The following SLC4A4 variants were observed in gnomAD, a reference collection of about 807,000 sequenced individuals.
SLC4A4 encodes the protein solute carrier family 4 member 4.
SLC4A4 carries 27 observed loss-of-function variants against 111.5 expected under a neutral mutation model. The ratio of observed to expected loss-of-function variants is 0.24; its 90% CI spans 0.18 to 0.33. The LOEUF (loss-of-function observed/expected upper bound fraction) is 0.33, where lower values mean the gene tolerates loss of function less well. Ranked by LOEUF, SLC4A4 falls within the 10% of genes least tolerant of loss-of-function variation. The pLI is 1.00. For missense variants in SLC4A4, 909 were observed against 1,315.5 expected, an observed-to-expected ratio of 0.69 and a Z score of 4.78; for synonymous variants, 443 against 463.4, an observed-to-expected ratio of 0.96 and a Z score of 0.57.
At position 71,255,209 on chromosome 4, in the gene SLC4A4, A is replaced by G; in HGVS notation, c.74-11A>G. 2 of 1,612,874 alleles carry G rather than the reference A, an allele frequency of 1.2e-6. No homozygotes were observed. Among genetic ancestry groups the G allele is most frequent in the Non-Finnish European group, 1.7e-6 (2 of 1,179,064 alleles). ...GTTTGAACTGACTGGTGATTTGTGT[A>G]CCTTCCTTAGGCCACCATACCATTT... On this transcript the variant is annotated splice_polypyrimidine_tract_variant and intron_variant, in intron 2 of 25. Coordinates refer to ENST00000264485, the MANE Select transcript of SLC4A4 (RefSeq NM_001098484.3).
chr4:71,273,742 T>A (rs1029378877), intron 3 of SLC4A4, among the ~76,000 whole-genome samples: 1 of 151,992 alleles, frequency 6.6e-6, no homozygotes, highest in African/African-American at 2.4e-5. Flanking sequence ...GATAAGTAGT[T>A]GAGAAGTAGC....
At chr4:71,419,459 A>G (rs1238458777) in intron 7 of SLC4A4, among the ~76,000 whole-genome samples, 1 of 152,198 alleles carries the variant, frequency 6.6e-6, no homozygotes, top group African/African-American at 2.4e-5. Flanking sequence ...CTGCTGTGCT[A>G]GCAATCAGCG....
intron 2 of SLC4A4, among the ~76,000 whole-genome samples, chr4:71,112,440 C>T (rs1743113474): frequency 6.6e-6 from 1 of 152,150 alleles, no homozygotes; most frequent in South Asian, 2.1e-4. Flanking sequence ...TTACACAATG[C>T]TTCCTGGGAA....
intron 22 of SLC4A4, 49 bp from the exon 23 acceptor site, chr4:71,560,044 A>G (rs1427404573): frequency 7.0e-7 from 1 of 1,435,004 alleles, no homozygotes; most frequent in Admixed American, 1.7e-5. Context: ...GCTTGCTGTG[A>G]CTTCATCTGA....
At chr4:71,168,544 C>G (rs896004639) in intron 2 of SLC4A4, among the ~76,000 whole-genome samples, 3 of 152,074 alleles carry the variant, frequency 2.0e-5, no homozygotes, top group Admixed American at 6.6e-5. Flanking sequence ...TAGCAAATAT[C>G]AGGTCTTTTA....
chr4:71,156,606 A>ACG (rs71211997), intron 2 of SLC4A4, among the ~76,000 whole-genome samples: 1 of 151,552 alleles, frequency 6.6e-6, no homozygotes, highest in East Asian at 1.9e-4. Flanking sequence ...ACACACACAC[A>ACG]CACACACATA....
intron 2 of SLC4A4, among the ~76,000 whole-genome samples, chr4:71,136,914 G>T (rs1298167521): frequency 6.6e-6 from 1 of 152,162 alleles, no homozygotes; most frequent in African/African-American, 2.4e-5. Flanking sequence ...CCAGGGTAAT[G>T]TTAGATGAAG....
intron 2 of SLC4A4, among the ~76,000 whole-genome samples, chr4:71,105,132 C>A (rs1417976893): frequency 7.2e-6 from 1 of 139,838 alleles, no homozygotes; most frequent in Non-Finnish European, 1.5e-5. Flanking sequence ...CAACAACAGA[C>A]AGACAGAGAG....
intron 3 of SLC4A4, among the ~76,000 whole-genome samples, chr4:71,323,126 C>G (rs1452362482): frequency 6.6e-6 from 1 of 151,986 alleles, no homozygotes; most frequent in African/African-American, 2.4e-5. Context: ...TTTGACATGA[C>G]TATTCTCAAT....
intron 4 of SLC4A4, among the ~76,000 whole-genome samples, chr4:71,342,201 T>A (rs1728953433): frequency 6.6e-6 from 1 of 152,218 alleles, no homozygotes; most frequent in African/African-American, 2.4e-5. Flanking sequence ...TGTTTCTTGT[T>A]CCCCTCTCTC....
chr4:71,419,278 T>A lies in SLC4A4; in HGVS notation c.808-21338T>A, dbSNP rs535691307. Among the ~76,000 whole-genome samples, 7 of 152,330 alleles carry A rather than the reference T, an allele frequency of 4.6e-5. No homozygotes were observed. In the South Asian group the frequency reaches 1.4e-3, roughly 32 times the overall value. ...GAGGTTACTGCTGTCCTTTTGTTTG[T>A]CTGTGCCCTGCCCCCAGAGGTGGAG... On this transcript the variant is annotated intron_variant, in intron 7 of 25. Coordinates refer to ENST00000264485, the MANE Select transcript of SLC4A4 (RefSeq NM_001098484.3).
chr4:71,476,539 A>G (rs552535915), intron 14 of SLC4A4, among the ~76,000 whole-genome samples: 1 of 151,732 alleles, frequency 6.6e-6, no homozygotes, highest in South Asian at 2.1e-4. Context: ...AATAGGGGCC[A>G]CTAATTACTA....
intron 18 of SLC4A4, among the ~76,000 whole-genome samples, chr4:71,536,929 T>C (rs1305390495): frequency 6.6e-6 from 1 of 151,862 alleles, no homozygotes; most frequent in Non-Finnish European, 1.5e-5. Context: ...ATATAATATA[T>C]ACACACATAT....
chr4:71,428,432 A>G (rs756837820), intron 7 of SLC4A4, among the ~76,000 whole-genome samples: 32 of 152,216 alleles, frequency 2.1e-4, no homozygotes, highest in Admixed American at 4.6e-4. Context: ...TCATTACGCC[A>G]GGACAATAGG....
intron 2 of SLC4A4, among the ~76,000 whole-genome samples, chr4:71,160,571 A>G (rs1414612653): frequency 1.3e-5 from 2 of 152,088 alleles, no homozygotes; most frequent in Non-Finnish European, 2.9e-5. Context: ...AAATGTGGAC[A>G]GAGGGAAAGG....
chr4:71,466,292 G>A, intron 12 of SLC4A4, 152 bp from the exon 13 acceptor site: 2 of 820,238 alleles, frequency 2.4e-6, no homozygotes, highest in Non-Finnish European at 3.9e-6. Flanking sequence ...GTGGCAATAT[G>A]CATATGGGTA....
At chr4:71,290,085 A>G (rs1249713292) in intron 3 of SLC4A4, among the ~76,000 whole-genome samples, 1 of 152,046 alleles carries the variant, frequency 6.6e-6, no homozygotes, top group African/African-American at 2.4e-5. Context: ...CTGGGTTAGG[A>G]AAAAAAATGA....
chr4:71,495,381 G>A (rs1730311029), intron 15 of SLC4A4, among the ~76,000 whole-genome samples: 1 of 152,048 alleles, frequency 6.6e-6, no homozygotes, highest in Non-Finnish European at 1.5e-5. Flanking sequence ...AAACCTGTTA[G>A]CTATTATGAC....
In SLC4A4 at chr4:71,420,409, T is replaced by C. The variant is rs1299576835; in HGVS notation, c.808-20207T>C. 2.6e-5 allele frequency among the ~76,000 whole-genome samples: 4 copies of C among 152,198 alleles called. No homozygotes were observed. In the South Asian group the frequency reaches 6.2e-4, roughly 24 times the overall value. On this transcript the variant is annotated intron_variant, in intron 7 of 25. Coordinates refer to ENST00000264485, the MANE Select transcript of SLC4A4 (RefSeq NM_001098484.3). ...AGAATGGAACCAAGTTGGAAAACAC[T>C]CTGCAGGATATTATCCAGGAGAACT...
Sources: gnomAD v4.1 joint callset for allele counts (sites outside exome capture counted in the v4.1 genomes callset) on GRCh38, gnomAD v4.1.1 for gene constraint, MANE v1.5 for transcripts, NCBI Gene and HGNC (gene_info 2026-07-23, HGNC 2026-07-21) for gene names.